ARHGAP26: variants seen among roughly 807,000 people sequenced by gnomAD.
The protein encoded by ARHGAP26 is rho GTPase-activating protein 26.
In ARHGAP26, 38 loss-of-function variants were observed where a neutral mutation model predicts 104.8. The observed-to-expected ratio is 0.36, with a 90% CI of 0.28 to 0.48. The LOEUF is 0.48. Among genes scored for constraint, ARHGAP26 ranks in the 20% least tolerant of loss-of-function variants. ARHGAP26 has a pLI of 0.99. For synonymous variants in ARHGAP26, 341 were observed against 340.0 expected (o/e 1.00, Z -0.03); for missense variants, 704 against 947.9 (o/e 0.74, Z 3.38).
rs1463887875 is a variant in ARHGAP26 at position 143,041,871 on chromosome 5, G to T, written c.1266G>T (p.Lys422Asn). Residue 422 changes from lysine to asparagine, a missense_variant, in exon 14 of 23, where the codon AAG (lysine) becomes AAT (asparagine). Lys to Asn is a moderately conservative substitution (Grantham distance 94, BLOSUM62 0). This residue lies in a region of ARHGAP26 where 287 missense variants were observed against 438.8 expected (regional missense o/e 0.65). Transcript: ENST00000645722. The stretch of plus-strand genomic sequence containing the variant: ...TGGGTGTCAACTCCAGAGTGCAGAA[G>T]TTGCTGAGTGTCCTGATGGGTGAGT... The part of the protein sequence containing the change: ...RIVGVNSRVQ[K>N]LLSVLMDPKT... 1 of 1,596,268 alleles carries T rather than the reference G, an allele frequency of 6.3e-7. No individual in the cohort carries two copies. Among genetic ancestry groups the T allele is most frequent in the Admixed American group, 1.7e-5 (1 of 57,610 alleles).
chr5:143,223,211 C>G lies in ARHGAP26; in HGVS notation c.*765C>G, dbSNP rs1330685216. ...CCAAAAAAATAAAATAACACATCCT[C>G]TTTGCATGACACATTTTTTTTCTCC... On this transcript the variant is annotated 3_prime_UTR_variant, in exon 23 of 23. Transcript: ENST00000645722. 1 of 233,294 alleles carries G rather than the reference C, an allele frequency of 4.3e-6. No individual in the cohort carries two copies. The highest frequency in any genetic ancestry group is 6.0e-5 in the East Asian group (1 of 16,540). The allele number at this position is 233,294 out of a possible 1,614,324, so 14.5% of individuals were successfully genotyped here. A position where few individuals can be genotyped will look rare whatever the true frequency, so the allele number is the denominator to read the frequency against.
intron 20 of ARHGAP26, among the ~76,000 whole-genome samples, chr5:143,148,116 G>A (rs1252413949): frequency 1.3e-5 from 2 of 152,098 alleles, no homozygotes; most frequent in Admixed American, 1.3e-4. Flanking sequence ...AGAATGTGAG[G>A]CCATGACCGG....
Position 143,222,281 on chromosome 5 carries a change from ACACCC to A in ARHGAP26, c.2192-73_2192-69del. 3.6e-6 allele frequency: 3 copies of A among 844,138 alleles called. No homozygotes were observed. In the South Asian group the frequency reaches 6.4e-5, roughly 18 times the overall value. 52.3% of individuals were successfully genotyped at this position (844,138 alleles called of 1,614,324 possible). ...CACACACACACACACACACACACAC[ACACCC>A]CACACACACATCTGCCGCCTGCTCT... is the stretch of plus-strand genomic sequence containing the variant. On this transcript the variant is annotated intron_variant, in intron 22 of 22. Transcript: ENST00000645722.
intron 9 of ARHGAP26, among the ~76,000 whole-genome samples, chr5:142,910,293 G>A (rs1457867879): frequency 6.6e-6 from 1 of 152,122 alleles, no homozygotes; most frequent in African/African-American, 2.4e-5. Flanking sequence ...TCCACAGTCT[G>A]AATCTCCTGA....
At chr5:143,106,558 C>T (rs1487338392) in intron 17 of ARHGAP26, among the ~76,000 whole-genome samples, 3 of 149,360 alleles carry the variant, frequency 2.0e-5, no homozygotes, top group East Asian at 2.0e-4. Flanking sequence ...TGGCAACCTC[C>T]GCCTCCCGGG....
intron 17 of ARHGAP26, among the ~76,000 whole-genome samples, chr5:143,068,844 G>C (rs1025383335): frequency 3.3e-5 from 5 of 152,178 alleles, no homozygotes; most frequent in Admixed American, 6.5e-5. Flanking sequence ...CTAGTCCACT[G>C]AAATGCCTCA....
chr5:143,006,325 T>G (rs1410832639), intron 11 of ARHGAP26, among the ~76,000 whole-genome samples: 3 of 151,306 alleles, frequency 2.0e-5, no homozygotes, highest in East Asian at 1.9e-4. Flanking sequence ...TCTTTTTTTT[T>G]TTTTTTTTTT....
intron 17 of ARHGAP26, among the ~76,000 whole-genome samples, chr5:143,085,244 T>A (rs1790405517): frequency 6.6e-6 from 1 of 152,028 alleles, no homozygotes; most frequent in Non-Finnish European, 1.5e-5. Flanking sequence ...CGGCCTGGCC[T>A]GCAGTAGGTG....
chr5:143,024,524 G>A (rs1780765217), intron 12 of ARHGAP26, among the ~76,000 whole-genome samples: 1 of 152,102 alleles, frequency 6.6e-6, no homozygotes, highest in African/African-American at 2.4e-5. Context: ...AACCCCTAAA[G>A]CCCAGTGCAA....
At chr5:143,054,589 A>C in intron 15 of ARHGAP26, 63 bp downstream of exon 15, 5 of 1,273,600 alleles carry the variant, frequency 3.9e-6, no homozygotes, top group South Asian at 2.6e-5. Context: ...GGAAGAAAGC[A>C]GTTTTATTTT....
chr5:143,176,496 TG>T (rs1200610387), intron 20 of ARHGAP26, among the ~76,000 whole-genome samples: 1 of 152,246 alleles, frequency 6.6e-6, no homozygotes, highest in African/African-American at 2.4e-5. Flanking sequence ...GTCCCTCCTC[TG>T]GTTCTTCTTC....
chr5:142,865,022 T>C (rs2152322876), intron 1 of ARHGAP26, among the ~76,000 whole-genome samples: 1 of 152,316 alleles, frequency 6.6e-6, no homozygotes, highest in South Asian at 2.1e-4. Context: ...TCAAAATGGG[T>C]TTCTTTGTTT....
chr5:142,935,926 TCTAAGA>T (rs1194997188), intron 11 of ARHGAP26, among the ~76,000 whole-genome samples: 1 of 151,902 alleles, frequency 6.6e-6, no homozygotes, highest in Non-Finnish European at 1.5e-5. Context: ...ATGCTTTCCC[TCTAAGA>T]CTAGGAACAA....
intron 11 of ARHGAP26, among the ~76,000 whole-genome samples, chr5:142,953,951 T>C (rs1254780136): frequency 6.6e-6 from 1 of 152,228 alleles, no homozygotes; most frequent in African/African-American, 2.4e-5. Flanking sequence ...CTTGGGTCTC[T>C]GTTGGTATCT....
chr5:142,874,649 A>G (rs1404131877), intron 2 of ARHGAP26, among the ~76,000 whole-genome samples: 1 of 152,208 alleles, frequency 6.6e-6, no homozygotes, highest in Non-Finnish European at 1.5e-5. Flanking sequence ...GGAGGAACCC[A>G]AAGAGAAGCC....
intron 1 of ARHGAP26, among the ~76,000 whole-genome samples, chr5:142,788,055 A>G (rs1280067811): frequency 6.7e-6 from 1 of 148,754 alleles, no homozygotes; most frequent in Non-Finnish European, 1.5e-5. Flanking sequence ...GTACAGTGGC[A>G]TGTGGCATGA....
chr5:142,785,857 C>T (rs560150578), intron 1 of ARHGAP26, among the ~76,000 whole-genome samples: 1 of 152,134 alleles, frequency 6.6e-6, no homozygotes, highest in South Asian at 2.1e-4. Context: ...TGCTTTCCTC[C>T]CTTCTTTTTC....
intron 1 of ARHGAP26, among the ~76,000 whole-genome samples, chr5:142,850,201 G>C (rs902312243): frequency 4.6e-5 from 7 of 152,184 alleles, no homozygotes; most frequent in Admixed American, 6.5e-5. Context: ...GTGCAGCCCA[G>C]TGTCCTGCCT....
Position 142,890,371 on chromosome 5 carries a change from G to C in ARHGAP26, c.487-3867G>C, listed in dbSNP as rs1758490834. Among the ~76,000 whole-genome samples the C allele has an allele frequency of 1.3e-5, 2 of 151,274 alleles. 1 individual carries two copies. Among genetic ancestry groups the C allele is most frequent in the East Asian group, 3.9e-4 (2 of 5,106 alleles). On this transcript the variant is annotated intron_variant, in intron 5 of 22. Coordinates refer to ENST00000645722, the MANE Select transcript of ARHGAP26 (RefSeq NM_001135608.3). ...GGAAAGAAAGCGGTTTGGAGTGTTA[G>C]AGGACAGGAAGGAGATCCAGCAGTT... is the stretch of plus-strand genomic sequence containing the variant.
Sources: gnomAD v4.1 joint callset for allele counts (sites outside exome capture counted in the v4.1 genomes callset) on GRCh38, gnomAD v4.1.1 for gene constraint, gnomAD v4.1.1 regional missense constraint, MANE v1.5 for transcripts, NCBI Gene and HGNC (gene_info 2026-07-23, HGNC 2026-07-21) for gene names.